Variants in PCNT observed in about 807,000 individuals in gnomAD.
PCNT encodes the protein kendrin.
A neutral mutation model predicts 380.4 loss-of-function variants in PCNT; 319 were observed. The observed-to-expected ratio is 0.84, with a 90% CI of 0.77 to 0.92. The LOEUF is 0.92. Ranked by LOEUF, PCNT falls within the 40% of genes least tolerant of loss-of-function variation. The probability of loss-of-function intolerance (pLI) is 0.00; values close to 1 mark genes in which losing one functional copy is unlikely to be tolerated. For missense variants in PCNT, 4,400 were observed against 4,255.3 expected, an observed-to-expected ratio of 1.03 and a Z score of -0.95; for synonymous variants, 1,845 against 1,735.2, an observed-to-expected ratio of 1.06 and a Z score of -1.57.
Position 46,443,795 on chromosome 21 carries a change from ATAAT to A in PCNT, c.9701-13_9701-10del, listed in dbSNP as rs1189833923. On this transcript the variant is annotated splice_polypyrimidine_tract_variant and intron_variant, in intron 44 of 46. Transcript: ENST00000359568. The stretch of plus-strand genomic sequence containing the variant: ...ATTTTCCTAATCCCTTGGTTGTTAA[ATAAT>A]TCTGGGGAAGGGCCCCGAGCACGAC... The A allele has an allele frequency of 9.9e-6, 16 of 1,613,624 alleles. No homozygotes were observed. The highest frequency in any genetic ancestry group is 1.4e-5 in the Non-Finnish European group (16 of 1,179,864).
At chr21:46,380,220 G>C (rs1463100000) in intron 15 of PCNT, among the ~76,000 whole-genome samples, 1 of 136,610 alleles carries the variant, frequency 7.3e-6, no homozygotes, top group Non-Finnish European at 1.5e-5. Flanking sequence ...AGAGTGCAGT[G>C]GCGCAATCTA....
rs572748017 is a variant in PCNT, at chr21:46,403,603, C to T, written c.5115+1120C>T. Reference sequence around the variant, plus strand: ...GCACATGCTCGGTGAGTGAACACAGCGTGGGAGAATCGTGTGTGTGTGGTG... The same window carrying T: ...GCACATGCTCGGTGAGTGAACACAGTGTGGGAGAATCGTGTGTGTGTGGTG... On this transcript the variant is annotated intron_variant, in intron 27 of 46. Transcript: ENST00000359568. 8.0e-5 allele frequency among the ~76,000 whole-genome samples: 9 copies of T among 111,906 alleles called. No homozygotes were observed. The East Asian group carries it at 2.4e-3, about 30-fold the overall frequency. The allele number at this position is 111,906 out of a possible 152,430, so 73.4% of individuals were successfully genotyped here.
At chr21:46,402,727 C>CTAT (rs2147510375) in intron 27 of PCNT, among the ~76,000 whole-genome samples, 1 of 152,270 alleles carries the variant, frequency 6.6e-6, no homozygotes, top group East Asian at 1.9e-4. Flanking sequence ...GATTGCAGCA[C>CTAT]TGATAGGGAT....
chr21:46,340,458 C>T (rs1317926869), intron 3 of PCNT, among the ~76,000 whole-genome samples: 1 of 152,216 alleles, frequency 6.6e-6, no homozygotes, highest in Non-Finnish European at 1.5e-5. Context: ...AACCTCTGTT[C>T]ATCTGTATAT....
At chr21:46,426,891 CT>C (rs1230524162) in intron 33 of PCNT, among the ~76,000 whole-genome samples, 2 of 152,220 alleles carry the variant, frequency 1.3e-5, no homozygotes, top group Non-Finnish European at 2.9e-5. Context: ...GAGGGAAGGG[CT>C]TTCTCCCTGT....
In PCNT at chr21:46,445,755, T is replaced by C. The variant is rs2053735768; in HGVS notation, c.*428T>C. The C allele has an allele frequency of 5.8e-6, 1 of 171,074 alleles. No homozygotes were observed. Among genetic ancestry groups the C allele is most frequent in the African/African-American group, 2.4e-5 (1 of 41,840 alleles). The allele number at this position is 171,074 out of a possible 1,614,324, so 10.6% of individuals were successfully genotyped here. A position where few individuals can be genotyped will look rare whatever the true frequency, so the allele number is the denominator to read the frequency against. ...AAAAAGGAATAAAATTTAATCACTG[T>C]TTTGTTTGTGAATAGCCCTTGTGTT... On this transcript the variant is annotated 3_prime_UTR_variant, in exon 47 of 47. Coordinates refer to ENST00000359568, the MANE Select transcript of PCNT (RefSeq NM_006031.6).
At chr21:46,404,767 T>C (rs1342684607) in intron 27 of PCNT, among the ~76,000 whole-genome samples, 5 of 152,114 alleles carry the variant, frequency 3.3e-5, no homozygotes, top group African/African-American at 1.2e-4. Context: ...CTAAACAACA[T>C]GGGAAAACCC....
chr21:46,364,414 A>C (rs546669375), intron 14 of PCNT, among the ~76,000 whole-genome samples: 10 of 150,008 alleles, frequency 6.7e-5, no homozygotes, highest in African/African-American at 2.4e-4. Flanking sequence ...AAGCCCCCCA[A>C]GTCTGCACTC....
chr21:46,342,527 ATTCT>A (rs936902449), intron 3 of PCNT, among the ~76,000 whole-genome samples: 6 of 149,002 alleles, frequency 4.0e-5, no homozygotes, highest in African/African-American at 9.9e-5. Flanking sequence ...TGTGTCATCA[ATTCT>A]TTCTTTTTTT....
rs1481735095 is a variant in PCNT, at chr21:46,425,733, TCA to T, written c.7180-95_7180-94del. On this transcript the variant is annotated intron_variant, in intron 32 of 46. Transcript: ENST00000359568. This position sits in a 1 kb window ranked among gnomAD's most constrained non-coding sequence, Gnocchi z 4.2. ...CTCCCTCTCCACAGCTGCCCGCCCTTCACAGAGTCCTGGCGGCAGCTCGGGGC... is the reference window on the plus strand; with the variant it reads ...CTCCCTCTCCACAGCTGCCCGCCCTTCAGAGTCCTGGCGGCAGCTCGGGGC... 8.3e-6 allele frequency: 13 copies of T among 1,568,330 alleles called. No homozygotes were observed. The highest frequency in any genetic ancestry group is 2.2e-5 in the East Asian group (1 of 44,600).
At chr21:46,373,729 C>CTTTTT (rs57604484) in intron 15 of PCNT, among the ~76,000 whole-genome samples, 1 of 63,110 alleles carries the variant, frequency 1.6e-5, no homozygotes, top group Non-Finnish European at 2.8e-5. Flanking sequence ...CCAGCCTTAG[C>CTTTTT]TTTTTTTTTT....
rs370266308 is a variant in PCNT at position 46,437,095 on chromosome 21, G to C, written c.9099+14G>C. On this transcript the variant is annotated intron_variant, in intron 40 of 46. Coordinates refer to ENST00000359568, the MANE Select transcript of PCNT (RefSeq NM_006031.6). The stretch of plus-strand genomic sequence containing the variant: ...ACCTCCTCCCAGGTAAGGGGTGAGC[G>C]CCCCCAGGTCCCTGGCCTGGCTCCT... 1 of 1,589,664 alleles carries C rather than the reference G, an allele frequency of 6.3e-7. No individual in the cohort carries two copies. Among genetic ancestry groups the C allele is most frequent in the Admixed American group, 1.7e-5 (1 of 59,936 alleles).
intron 16 of PCNT, among the ~76,000 whole-genome samples, chr21:46,384,632 T>G (rs866969666): frequency 6.8e-6 from 1 of 147,984 alleles, no homozygotes; most frequent in Admixed American, 6.8e-5. Flanking sequence ...ATTCGTGGTG[T>G]GCATTCAGGG....
chr21:46,391,453 A>G (rs2147310523), intron 21 of PCNT, 77 bp downstream of exon 21: 4 of 1,213,434 alleles, frequency 3.3e-6, no homozygotes, highest in African/African-American at 1.5e-5. Flanking sequence ...CCAGCTCCCA[A>G]GGACACTCAG....
At position 46,425,250 on chromosome 21, in the gene PCNT, G is replaced by C. The variant is rs550814909; in HGVS notation, c.7180-581G>C. Among the ~76,000 whole-genome samples the C allele has an allele frequency of 6.6e-6, 1 of 152,330 alleles. No homozygotes were observed. The highest frequency in any genetic ancestry group is 1.9e-4 in the East Asian group (1 of 5,168). ...GGACACCAGCTGCTGCGTAATCGGT[G>C]GGATAAAGCAGCCGCCTCGTGTTCA... On this transcript the variant is annotated intron_variant, in intron 32 of 46. Transcript: ENST00000359568. The surrounding 1 kb of genome is among the most constrained non-coding windows in gnomAD (Gnocchi z 4.2).
At chr21:46,375,191 C>A (rs568356047) in intron 15 of PCNT, among the ~76,000 whole-genome samples, 1 of 152,284 alleles carries the variant, frequency 6.6e-6, no homozygotes, top group East Asian at 1.9e-4. Context: ...GCTGGTAACA[C>A]GACGCAGAGC....
rs2084123036 is a variant in PCNT, at chr21:46,347,826, T to G, written c.1032+314T>G. On this transcript the variant is annotated intron_variant, in intron 6 of 46. Transcript: ENST00000359568. ...GGGACACAGCCTCTGCCCTCGTGGA[T>G]GTGGCAGTTCCCTGCAGTGCATGGG... is the stretch of plus-strand genomic sequence containing the variant. Among the ~76,000 whole-genome samples the G allele has an allele frequency of 2.0e-5, 3 of 152,328 alleles. No individual in the cohort carries two copies. The East Asian group carries it at 5.8e-4, about 29-fold the overall frequency.
intron 3 of PCNT, among the ~76,000 whole-genome samples, chr21:46,335,745 G>A (rs145142094): frequency 1.5e-4 from 22 of 150,604 alleles, no homozygotes; most frequent in African/African-American, 5.4e-4. Flanking sequence ...CAGGCTGGTG[G>A]TGCGATCTTG....
chr21:46,349,337 C>G, intron 7 of PCNT, 151 bp downstream of exon 7: 1 of 764,166 alleles, frequency 1.3e-6, no homozygotes, highest in Middle Eastern at 2.3e-4. Flanking sequence ...ACGCTGGTGG[C>G]CGTCATGGGT....
Sources: allele counts gnomAD v4.1 joint callset (sites outside exome capture counted in the v4.1 genomes callset), GRCh38; gene constraint gnomAD v4.1.1; non-coding constraint Gnocchi (gnomAD v3.1); transcripts MANE v1.5; gene names NCBI Gene and HGNC (gene_info 2026-07-23, HGNC 2026-07-21).